The following CTNNA3 variants were observed in gnomAD, a reference collection of about 807,000 sequenced individuals.
The protein encoded by CTNNA3 is catenin alpha-3.
A neutral mutation model predicts 95.7 loss-of-function variants in CTNNA3; 76 were observed. The observed-to-expected ratio is 0.79, with a 90% CI of 0.66 to 0.96. The LOEUF (loss-of-function observed/expected upper bound fraction) is 0.96, where lower values mean the gene tolerates loss of function less well. Among genes scored for constraint, CTNNA3 ranks in the 40% least tolerant of loss-of-function variants. The pLI is 0.00. For missense variants in CTNNA3, 1,191 were observed against 1,089.8 expected, an observed-to-expected ratio of 1.09 and a Z score of -1.31; for synonymous variants, 431 against 374.4, an observed-to-expected ratio of 1.15 and a Z score of -1.74.
At chr10:66,636,358 G>A (rs1034174387) in intron 9 of CTNNA3, among the ~76,000 whole-genome samples, 3 of 152,006 alleles carry the variant, frequency 2.0e-5, no homozygotes, top group Non-Finnish European at 2.9e-5. Context: ...CACATACTGT[G>A]AGTAGTGGCC....
intron 17 of CTNNA3, among the ~76,000 whole-genome samples, chr10:65,947,061 C>T (rs1209981618): frequency 6.7e-6 from 1 of 150,168 alleles, no homozygotes; most frequent in Non-Finnish European, 1.5e-5. Context: ...GTGCTGAATA[C>T]AGTTAATGAC....
chr10:66,770,527 G>A (rs1411652994), intron 8 of CTNNA3, among the ~76,000 whole-genome samples: 2 of 152,166 alleles, frequency 1.3e-5, no homozygotes, highest in Non-Finnish European at 2.9e-5. Flanking sequence ...AAACCAAACT[G>A]AGGTGCTTTT....
Position 67,174,433 on chromosome 10 carries a change from G to A in CTNNA3, c.1047+5884C>T, listed in dbSNP as rs545021726. On this transcript the variant is annotated intron_variant, in intron 7 of 17. Transcript: ENST00000433211. Reference sequence around the variant, plus strand: ...AGTGGATATTCTATGCCAGATCTACGTGACACCAAACTTAACTTGTCAAGA... The same window carrying A: ...AGTGGATATTCTATGCCAGATCTACATGACACCAAACTTAACTTGTCAAGA... Among the ~76,000 whole-genome samples, 8 of 152,162 alleles carry A rather than the reference G, an allele frequency of 5.3e-5. No individual in the cohort carries two copies. In the South Asian group the frequency reaches 1.2e-3, roughly 24 times the overall value.
chr10:67,435,802 C>T (rs1182169429), intron 5 of CTNNA3, among the ~76,000 whole-genome samples: 1 of 151,982 alleles, frequency 6.6e-6, no homozygotes, highest in Non-Finnish European at 1.5e-5. Flanking sequence ...AACTACAAAA[C>T]ACTGCTGAAA....
At chr10:66,644,140 C>A (rs1845610202) in intron 9 of CTNNA3, among the ~76,000 whole-genome samples, 2 of 151,658 alleles carry the variant, frequency 1.3e-5, no homozygotes, top group African/African-American at 2.4e-5. Context: ...TGCCTGTAGT[C>A]CTAGCTACTT....
chr10:66,456,157 C>A (rs969266702), intron 11 of CTNNA3, among the ~76,000 whole-genome samples: 3 of 152,070 alleles, frequency 2.0e-5, no homozygotes, highest in African/African-American at 7.2e-5. Context: ...AAAATCCCAG[C>A]AGAACTTTAT....
chr10:66,304,398 A>G (rs1424404773), intron 12 of CTNNA3, among the ~76,000 whole-genome samples: 4 of 152,160 alleles, frequency 2.6e-5, no homozygotes, highest in African/African-American at 7.2e-5. Flanking sequence ...CCAAGCATGT[A>G]TCCTAGAAAG....
intron 12 of CTNNA3, among the ~76,000 whole-genome samples, chr10:66,309,954 T>TAAATAAAA (rs1554929532): frequency 1.9e-4 from 23 of 121,402 alleles, no homozygotes; most frequent in South Asian, 5.2e-4. Context: ...AATAAATAAA[T>TAAATAAAA]AAAATAAAAA....
chr10:66,018,160 TA>T (rs2079130334), intron 15 of CTNNA3, among the ~76,000 whole-genome samples: 1 of 146,652 alleles, frequency 6.8e-6, no homozygotes, highest in African/African-American at 2.5e-5. Context: ...AGTGCATATC[TA>T]GTTCTATATG....
Position 66,347,030 on chromosome 10 carries a change from T to G in CTNNA3, c.1732+32122A>C, listed in dbSNP as rs915916530. On this transcript the variant is annotated intron_variant, in intron 12 of 17. Transcript: ENST00000433211. Reference sequence around the variant, plus strand: ...GCAAACAACAAATATCAGATTTACATCCTGAAAAAAATTCATGTACTAGAG... The same window carrying G: ...GCAAACAACAAATATCAGATTTACAGCCTGAAAAAAATTCATGTACTAGAG... 2.0e-5 allele frequency among the ~76,000 whole-genome samples: 3 copies of G among 151,976 alleles called. 1 individual carries two copies. The highest frequency in any genetic ancestry group is 4.4e-5 in the Non-Finnish European group (3 of 67,956).
chr10:67,348,033 G>A (rs533919218), intron 5 of CTNNA3, among the ~76,000 whole-genome samples: 3 of 152,002 alleles, frequency 2.0e-5, no homozygotes, highest in Non-Finnish European at 4.4e-5. Context: ...TCTTCAACAA[G>A]GGTGCCAAAA....
intron 15 of CTNNA3, among the ~76,000 whole-genome samples, chr10:66,064,410 A>C: frequency 6.6e-6 from 1 of 152,090 alleles, no homozygotes; most frequent in East Asian, 1.9e-4. Context: ...CACCTTTTCT[A>C]ATTTCCTTGG....
chr10:66,730,548 A>G (rs1358384858), intron 9 of CTNNA3, among the ~76,000 whole-genome samples: 4 of 152,176 alleles, frequency 2.6e-5, no homozygotes, highest in African/African-American at 9.7e-5. Context: ...GCAAACTACC[A>G]TGACACATGT....
At chr10:67,481,337 G>T (rs369549688) in intron 5 of CTNNA3, among the ~76,000 whole-genome samples, 1 of 152,070 alleles carries the variant, frequency 6.6e-6, no homozygotes, top group Non-Finnish European at 1.5e-5. Context: ...GAATTCAAAT[G>T]ATCTCTCTTC....
intron 7 of CTNNA3, among the ~76,000 whole-genome samples, chr10:66,993,779 C>A (rs1157440626): frequency 1.3e-5 from 2 of 150,382 alleles, no homozygotes; most frequent in Non-Finnish European, 3.0e-5. Flanking sequence ...ATATTTATGA[C>A]CTTTGTTATT....
intron 7 of CTNNA3, among the ~76,000 whole-genome samples, chr10:67,030,106 ATC>A (rs576570822): frequency 6.6e-6 from 1 of 152,246 alleles, no homozygotes; most frequent in Non-Finnish European, 1.5e-5. Context: ...CATCAAAATA[ATC>A]TGTTTTCAAA....
chr10:66,988,900 C>G (rs1233973409), intron 7 of CTNNA3, among the ~76,000 whole-genome samples: 1 of 151,860 alleles, frequency 6.6e-6, no homozygotes, highest in Non-Finnish European at 1.5e-5. Context: ...ACCGGGTTCC[C>G]CTATTTGCTC....
intron 7 of CTNNA3, among the ~76,000 whole-genome samples, chr10:67,139,265 T>C (rs944955509): frequency 2.0e-5 from 3 of 151,250 alleles, no homozygotes; most frequent in African/African-American, 7.3e-5. Context: ...CCCGAATAGC[T>C]AGGACTACAG....
intron 13 of CTNNA3, among the ~76,000 whole-genome samples, chr10:66,210,878 C>T (rs1391919650): frequency 6.6e-6 from 1 of 152,112 alleles, no homozygotes; most frequent in African/African-American, 2.4e-5. Context: ...GGGGCCTAGG[C>T]CACCTTGTAC....
Sources: gnomAD v4.1 joint callset for allele counts (sites outside exome capture counted in the v4.1 genomes callset) on GRCh38, gnomAD v4.1.1 for gene constraint, MANE v1.5 for transcripts, NCBI Gene and HGNC (gene_info 2026-07-23, HGNC 2026-07-21) for gene names.